AFAP1L1: variants seen among roughly 807,000 people sequenced by gnomAD.
The protein encoded by AFAP1L1 is actin filament associated protein 1 like 1, also known as actin filament-associated protein 1-like 1.
A neutral mutation model predicts 99.8 loss-of-function variants in AFAP1L1; 77 were observed. The observed-to-expected ratio is 0.77, with a 90% CI of 0.64 to 0.93. The LOEUF (loss-of-function observed/expected upper bound fraction) is 0.93, where lower values mean the gene tolerates loss of function less well. Ranked by LOEUF, AFAP1L1 falls within the 40% of genes least tolerant of loss-of-function variation. The pLI is 0.00. For synonymous variants in AFAP1L1, 373 were observed against 395.3 expected, an observed-to-expected ratio of 0.94 and a Z score of 0.67; for missense variants, 893 against 996.8, an observed-to-expected ratio of 0.90 and a Z score of 1.40.
chr5:149,272,120 G>A (rs909829359), intron 1 of AFAP1L1, 136 bp downstream of exon 1: 11 of 943,596 alleles, frequency 1.2e-5, no homozygotes, highest in East Asian at 1.0e-4. Context: ...AGGGGACTGG[G>A]AGACGCGGCG....
At position 149,332,870 on chromosome 5, in the gene AFAP1L1, T is replaced by C. The variant is rs561617363; in HGVS notation, c.2151T>C (p.Ser717=). 8.2e-6 allele frequency: 13 copies of C among 1,590,166 alleles called. No individual in the cohort carries two copies. The South Asian group carries it at 1.5e-4, about 18-fold the overall frequency. ...TCTCCGTGAGCAGCAAGCCCAAGAG[T>C]GGGGTGAGTCCAGGCCCTTCCATGC... ...LGLSVSSKPK[S]GETANKPQNS... The change falls in exon 17 of 19, where the codon AGT becomes AGC. Residue 717 remains serine (S), a synonymous_variant. Coordinates refer to ENST00000296721, the MANE Select transcript of AFAP1L1 (RefSeq NM_152406.4).
At chr5:149,275,788 G>A (rs548571296) in intron 1 of AFAP1L1, among the ~76,000 whole-genome samples, 10 of 152,192 alleles carry the variant, frequency 6.6e-5, no homozygotes, top group Admixed American at 1.3e-4. Flanking sequence ...TTACAGGCGT[G>A]AGCCACCATG....
rs78776089 is a variant in AFAP1L1 at position 149,313,637 on chromosome 5, C to A, written c.1020+1433C>A. Among the ~76,000 whole-genome samples, 720 of 152,312 alleles carry A rather than the reference C, an allele frequency of 4.7e-3. 2 individuals are homozygous for A. Among genetic ancestry groups the A allele is most frequent in the Non-Finnish European group, 8.0e-3 (547 of 68,024 alleles). ...AGGAACTGTGCTAGCCACTGAAATG[C>A]AGTCCAAACACAAACAGGTGCAAGC... On this transcript the variant is annotated intron_variant, in intron 9 of 18. Transcript: ENST00000296721.
In AFAP1L1 at chr5:149,342,131, T is replaced by C. The variant is rs1393121249; in HGVS notation, c.*2101T>C. On this transcript the variant is annotated 3_prime_UTR_variant, in exon 19 of 19. Coordinates refer to ENST00000296721, the MANE Select transcript of AFAP1L1 (RefSeq NM_152406.4). ...CCCATGCTTAGAAGGGCCCTGTTCT[T>C]GGTTTAATGCTCTACTATTGCCTTC... Among the ~76,000 whole-genome samples the C allele has an allele frequency of 3.3e-5, 5 of 152,216 alleles. No homozygotes were observed. The highest frequency in any genetic ancestry group is 7.3e-5 in the Non-Finnish European group (5 of 68,038).
chr5:149,338,809 G>A (rs1396592148), intron 18 of AFAP1L1, among the ~76,000 whole-genome samples: 5 of 152,232 alleles, frequency 3.3e-5, no homozygotes, highest in Admixed American at 3.3e-4. Flanking sequence ...CCTGAATGGA[G>A]TGTGAGGGAG....
chr5:149,319,924 A>G (rs1184796100), intron 13 of AFAP1L1, among the ~76,000 whole-genome samples, 197 bp downstream of exon 13: 1 of 152,254 alleles, frequency 6.6e-6, no homozygotes, highest in African/African-American at 2.4e-5. Context: ...GCCCAGAGTC[A>G]GAGGCAAGCT....
At chr5:149,301,779 TTGTC>T (rs544211791) in intron 4 of AFAP1L1, among the ~76,000 whole-genome samples, 182 of 152,332 alleles carry the variant, frequency 1.2e-3, no homozygotes, top group African/African-American at 4.2e-3. Flanking sequence ...ACAACAAGCT[TTGTC>T]TGTCAACTGC....
chr5:149,280,662 G>A (rs1755487876), intron 1 of AFAP1L1, among the ~76,000 whole-genome samples: 1 of 152,154 alleles, frequency 6.6e-6, no homozygotes, highest in African/African-American at 2.4e-5. Flanking sequence ...AGCAACCTCT[G>A]AAAGCATGAA....
intron 15 of AFAP1L1, among the ~76,000 whole-genome samples, chr5:149,328,809 G>A (rs1561684198): frequency 6.6e-6 from 1 of 152,092 alleles, no homozygotes; most frequent in Non-Finnish European, 1.5e-5. Flanking sequence ...GCGAGACTCT[G>A]TCTCAAAATA....
At position 149,300,324 on chromosome 5, in the gene AFAP1L1, A is replaced by C; in HGVS notation, c.199A>C (p.Ser67Arg). 6.2e-7 allele frequency: 1 copy of C among 1,613,494 alleles called. No individual in the cohort carries two copies. Among genetic ancestry groups the C allele is most frequent in the Admixed American group, 1.7e-5 (1 of 59,990 alleles). The part of the protein sequence containing the change: ...VNTADLHSGP[S>R]FVESLFEEFD... ...CACAGCAGACCTCCACTCGGGGCCC[A>C]GCTTCGTGGAATCCCTCTTTGAAGA... The change falls in exon 3 of 19, where the codon AGC (serine) becomes CGC (arginine). Residue 67 changes from serine (S) to arginine (R), a missense_variant. Ser to Arg is a moderately radical substitution (Grantham distance 110). Transcript: ENST00000296721.
At position 149,332,883 on chromosome 5, in the gene AFAP1L1, G is replaced by C; in HGVS notation, c.2154+10G>C. ...CAAGCCCAAGAGTGGGGTGAGTCCA[G>C]GCCCTTCCATGCCAGGGGCAGCTAC... is the stretch of plus-strand genomic sequence containing the variant. On this transcript the variant is annotated intron_variant, in intron 17 of 18. Coordinates refer to ENST00000296721, the MANE Select transcript of AFAP1L1 (RefSeq NM_152406.4). The C allele has an allele frequency of 6.4e-7, 1 of 1,563,264 alleles. No homozygotes were observed. The highest frequency in any genetic ancestry group is 2.0e-5 in the Admixed American group (1 of 48,894).
intron 1 of AFAP1L1, among the ~76,000 whole-genome samples, chr5:149,288,661 G>GA (rs1343830553): frequency 6.6e-6 from 1 of 152,178 alleles, no homozygotes; most frequent in East Asian, 1.9e-4. Flanking sequence ...GGAGGAATCC[G>GA]CAGACAAAGG....
At chr5:149,319,883 G>A (rs941065617) in intron 13 of AFAP1L1, among the ~76,000 whole-genome samples, 156 bp downstream of exon 13, 1 of 152,206 alleles carries the variant, frequency 6.6e-6, no homozygotes, top group African/African-American at 2.4e-5. Context: ...TCCTCTTCCA[G>A]CAAAGAGTGG....
intron 1 of AFAP1L1, among the ~76,000 whole-genome samples, chr5:149,290,610 G>A (rs139854858): frequency 5.3e-5 from 8 of 152,334 alleles, no homozygotes; most frequent in Admixed American, 1.3e-4. Flanking sequence ...ATTGGCAGCC[G>A]TATTCATGTG....
chr5:149,284,891 C>T (rs1215434406), intron 1 of AFAP1L1, among the ~76,000 whole-genome samples: 1 of 152,186 alleles, frequency 6.6e-6, no homozygotes, highest in African/African-American at 2.4e-5. Context: ...GACCAACTCA[C>T]CTTGATGTTT....
chr5:149,335,442 CG>C, intron 17 of AFAP1L1, 151 bp from the exon 18 acceptor site: 5 of 971,804 alleles, frequency 5.1e-6, no homozygotes, highest in Non-Finnish European at 7.3e-6. Context: ...GAGCCAAGCT[CG>C]TGCCACTGCG....
At chr5:149,312,079 C>T (rs1756647039) in intron 8 of AFAP1L1, 33 bp from the exon 9 acceptor site, 1 of 1,596,026 alleles carries the variant, frequency 6.3e-7, no homozygotes, top group Non-Finnish European at 8.6e-7. Flanking sequence ...GCTTCCCTGC[C>T]CACCCGTTCA....
At chr5:149,298,277 T>C (rs1418711973) in intron 1 of AFAP1L1, among the ~76,000 whole-genome samples, 1 of 152,212 alleles carries the variant, frequency 6.6e-6, no homozygotes, top group East Asian at 1.9e-4. Flanking sequence ...TTCAAGCAAG[T>C]TATTTATCTT....
At chr5:149,306,472 T>C (rs1756418387) in intron 6 of AFAP1L1, 68 bp downstream of exon 6, 2 of 1,430,252 alleles carry the variant, frequency 1.4e-6, no homozygotes, top group Admixed American at 4.0e-5. Flanking sequence ...GGCCTTGTCC[T>C]GGCCCTTAGC....
Sources: gnomAD v4.1 joint callset for allele counts (sites outside exome capture counted in the v4.1 genomes callset) on GRCh38, gnomAD v4.1.1 for gene constraint, MANE v1.5 for transcripts, NCBI Gene and HGNC (gene_info 2026-07-23, HGNC 2026-07-21) for gene names.